Variants in DIP2C observed in about 807,000 individuals in gnomAD.
The protein encoded by DIP2C is disco-interacting protein 2 homolog C.
A neutral mutation model predicts 192.4 loss-of-function variants in DIP2C; 33 were observed. The ratio of observed to expected loss-of-function variants is 0.17; its 90% CI spans 0.13 to 0.23. The LOEUF (loss-of-function observed/expected upper bound fraction) is 0.23, where lower values mean the gene tolerates loss of function less well. DIP2C is among the 10% of genes least tolerant of loss of function. The probability of loss-of-function intolerance (pLI) is 1.00; values close to 1 mark genes in which losing one functional copy is unlikely to be tolerated. For synonymous variants in DIP2C, 979 were observed against 864.1 expected (o/e 1.13, Z -2.33); for missense variants, 1,537 against 2,110.1 (o/e 0.73, Z 5.32).
intron 1 of DIP2C, among the ~76,000 whole-genome samples, chr10:607,052 C>G (rs569216431): frequency 6.6e-6 from 1 of 152,324 alleles, no homozygotes; most frequent in Admixed American, 6.5e-5. Flanking sequence ...TCCCGTGGCC[C>G]TTAACGTCCG....
chr10:499,904 T>G (rs531355731), intron 1 of DIP2C, among the ~76,000 whole-genome samples: 229 of 152,318 alleles, frequency 1.5e-3, no homozygotes, highest in Non-Finnish European at 2.4e-3. Flanking sequence ...CCCTCGAACT[T>G]GTTAATAGCC....
At chr10:678,428 G>T (rs1830947116) in intron 1 of DIP2C, among the ~76,000 whole-genome samples, 1 of 151,706 alleles carries the variant, frequency 6.6e-6, no homozygotes, top group Non-Finnish European at 1.5e-5. Context: ...CAGAGTACGT[G>T]TTCGGCAGCA....
intron 7 of DIP2C, among the ~76,000 whole-genome samples, chr10:414,651 T>C (rs1271758115): frequency 2.0e-5 from 3 of 150,140 alleles, no homozygotes; most frequent in East Asian, 4.0e-4. Context: ...TCCTAGCCTG[T>C]AGCTAGGACT....
At chr10:394,509 G>A (rs12258298) in intron 10 of DIP2C, among the ~76,000 whole-genome samples, 7,790 of 45,968 alleles carry the variant, frequency 0.17, 8 homozygotes, top group East Asian at 0.29. Flanking sequence ...CACAGTGGGC[G>A]CTATTCAGCC....
intron 10 of DIP2C, among the ~76,000 whole-genome samples, chr10:398,454 A>C (rs1589702702): frequency 6.6e-6 from 1 of 152,194 alleles, no homozygotes; most frequent in Non-Finnish European, 1.5e-5. Context: ...CCAAATGAAC[A>C]TATGTCTTAC....
intron 1 of DIP2C, among the ~76,000 whole-genome samples, chr10:585,424 G>A (rs1460396555): frequency 2.6e-5 from 4 of 152,106 alleles, no homozygotes; most frequent in Non-Finnish European, 4.4e-5. Context: ...TCAGTAAATC[G>A]CATTTGAATG....
At chr10:325,036 A>G (rs72653038) in intron 31 of DIP2C, 8 of 497,958 alleles carry the variant, frequency 1.6e-5, no homozygotes, top group South Asian at 4.4e-5. Context: ...GAGGCAAAGG[A>G]AGGCGGATCA....
At position 614,552 on chromosome 10, in the gene DIP2C, G is replaced by A. The variant is rs565556255; in HGVS notation, c.85+74942C>T. On this transcript the variant is annotated intron_variant, in intron 1 of 36. Transcript: ENST00000280886. ...CCTCACCACAGGCACAGCCGTGCAA[G>A]AGAACTGCCTGCTGAACTGGAAACG... Among the ~76,000 whole-genome samples the A allele has an allele frequency of 3.3e-5, 5 of 152,344 alleles. No individual in the cohort carries two copies. In the East Asian group the frequency reaches 9.7e-4, roughly 29 times the overall value.
At chr10:641,447 T>G (rs1472171144) in intron 1 of DIP2C, among the ~76,000 whole-genome samples, 3 of 152,148 alleles carry the variant, frequency 2.0e-5, no homozygotes, top group Admixed American at 2.0e-4. Context: ...ATGCCTTAGA[T>G]CCCAGGCACC....
chr10:423,703 G>C (rs1265911848), intron 4 of DIP2C, among the ~76,000 whole-genome samples: 1 of 151,604 alleles, frequency 6.6e-6, no homozygotes, highest in African/African-American at 2.4e-5. Context: ...TAACCATGCA[G>C]CTGATTTATT....
At chr10:350,577 C>T (rs1479152277) in intron 24 of DIP2C, among the ~76,000 whole-genome samples, 1 of 150,800 alleles carries the variant, frequency 6.6e-6, no homozygotes, top group African/African-American at 2.4e-5. Context: ...GACTGCAGTC[C>T]ATGGGGTCAG....
chr10:604,686 T>G (rs1188163860), intron 1 of DIP2C, among the ~76,000 whole-genome samples: 2 of 152,250 alleles, frequency 1.3e-5, no homozygotes, highest in African/African-American at 4.8e-5. Flanking sequence ...CTAATTAAAT[T>G]AATTTTCCCC....
At chr10:333,936 G>C (rs1210857443) in intron 29 of DIP2C, among the ~76,000 whole-genome samples, 1 of 152,150 alleles carries the variant, frequency 6.6e-6, no homozygotes, top group East Asian at 1.9e-4. Context: ...TTGGCCATTT[G>C]TATGTCTTCT....
At chr10:476,618 GTGAC>G (rs887805235) in intron 2 of DIP2C, among the ~76,000 whole-genome samples, 63 of 152,272 alleles carry the variant, frequency 4.1e-4, no homozygotes, top group South Asian at 1.2e-3. Flanking sequence ...ACATTCTCCC[GTGAC>G]TGCCTTTTCA....
intron 1 of DIP2C, among the ~76,000 whole-genome samples, chr10:565,755 G>A (rs1051843797): frequency 5.9e-5 from 9 of 152,202 alleles, no homozygotes; most frequent in African/African-American, 1.9e-4. Context: ...TTACAGTCGC[G>A]TAACGGAGTC....
Position 660,698 on chromosome 10 carries a change from G to A in DIP2C, c.85+28796C>T, listed in dbSNP as rs1352364105. 2.1e-4 allele frequency among the ~76,000 whole-genome samples: 32 copies of A among 152,208 alleles called. 1 individual carries two copies. Among genetic ancestry groups the A allele is most frequent in the Admixed American group, 2.1e-3 (32 of 15,282 alleles). On this transcript the variant is annotated intron_variant, in intron 1 of 36. Transcript: ENST00000280886. ...CTGATTTATAAGAGATGGGTATAAA[G>A]ACTCTACAAGGTCATTAGACTTTAG...
At chr10:618,373 C>G (rs1467471525) in intron 1 of DIP2C, among the ~76,000 whole-genome samples, 1 of 152,256 alleles carries the variant, frequency 6.6e-6, no homozygotes, top group East Asian at 1.9e-4. Flanking sequence ...CTCCTTCCCA[C>G]TGACATGGCC....
intron 18 of DIP2C, among the ~76,000 whole-genome samples, chr10:367,091 A>G (rs1316105743): frequency 6.6e-6 from 1 of 152,236 alleles, no homozygotes; most frequent in African/African-American, 2.4e-5. Flanking sequence ...AGTACAGAAC[A>G]GTGGAAACAT....
Position 384,732 on chromosome 10 carries a change from C to G in DIP2C, c.1663-93G>C, listed in dbSNP as rs1465857001. 8 of 1,266,656 alleles carry G rather than the reference C, an allele frequency of 6.3e-6. No homozygotes were observed. The East Asian group carries it at 1.9e-4, about 29-fold the overall frequency. The allele number at this position is 1,266,656 out of a possible 1,614,324, so 78.5% of individuals were successfully genotyped here. A position where few individuals can be genotyped will look rare whatever the true frequency, so the allele number is the denominator to read the frequency against. ...TGGCATGGACACTAGGCCGCACGGG[C>G]AGGGGGGAGCTCTCAGGGAGCGCTG... On this transcript the variant is annotated intron_variant, in intron 14 of 36. Coordinates refer to ENST00000280886, the MANE Select transcript of DIP2C (RefSeq NM_014974.3).
Sources: gnomAD v4.1 joint callset for allele counts (sites outside exome capture counted in the v4.1 genomes callset) on GRCh38, gnomAD v4.1.1 for gene constraint, MANE v1.5 for transcripts, NCBI Gene and HGNC (gene_info 2026-07-23, HGNC 2026-07-21) for gene names.